The following RSRC1 variants were observed in gnomAD, a reference collection of about 807,000 sequenced individuals.
RSRC1 encodes the protein arginine and serine rich coiled-coil 1, also known as serine/Arginine-related protein 53.
RSRC1 carries 39 observed loss-of-function variants against 49.1 expected under a neutral mutation model. The observed-to-expected ratio is 0.79, with a 90% CI of 0.61 to 1.04. RSRC1 has a LOEUF of 1.04. Ranked by LOEUF, RSRC1 falls within the 50% of genes least tolerant of loss-of-function variation. The pLI is 0.00. For synonymous variants in RSRC1, 143 were observed against 130.8 expected (o/e 1.09, Z -0.63); for missense variants, 388 against 402.4 (o/e 0.96, Z 0.31).
intron 3 of RSRC1, among the ~76,000 whole-genome samples, chr3:158,170,101 G>T (rs73026002): frequency 0.043 from 6,610 of 152,050 alleles, 467 homozygotes; most frequent in African/African-American, 0.15. Flanking sequence ...GAAATTTATT[G>T]GAGAGTTTAA....
At chr3:158,251,108 T>G (rs1056381590) in intron 4 of RSRC1, among the ~76,000 whole-genome samples, 1 of 152,188 alleles carries the variant, frequency 6.6e-6, no homozygotes, top group African/African-American at 2.4e-5. Flanking sequence ...TCATGACACC[T>G]TTGTTGAAAA....
chr3:158,181,633 A>G (rs2108253241), intron 3 of RSRC1, among the ~76,000 whole-genome samples: 2 of 152,356 alleles, frequency 1.3e-5, no homozygotes, highest in South Asian at 4.1e-4. Flanking sequence ...TAACAAAAAT[A>G]CCTTATAGTG....
chr3:158,281,768 TGGGG>T (rs1726185951), intron 4 of RSRC1, among the ~76,000 whole-genome samples: 1 of 152,202 alleles, frequency 6.6e-6, no homozygotes, highest in Non-Finnish European at 1.5e-5. Context: ...TTTGGTAACA[TGGGG>T]GAACCACTGA....
chr3:158,204,858 T>G (rs1375823905), intron 4 of RSRC1, among the ~76,000 whole-genome samples: 1 of 152,142 alleles, frequency 6.6e-6, no homozygotes, highest in Non-Finnish European at 1.5e-5. Flanking sequence ...TTGCATAAAA[T>G]TTATATTATA....
chr3:158,293,637 T>C (rs1029139979), intron 4 of RSRC1, among the ~76,000 whole-genome samples: 1 of 152,088 alleles, frequency 6.6e-6, no homozygotes, highest in Non-Finnish European at 1.5e-5. Context: ...CCTTACCTTG[T>C]TGATTCTTCC....
chr3:158,135,528 C>T (rs368016510), intron 3 of RSRC1, among the ~76,000 whole-genome samples: 7 of 151,942 alleles, frequency 4.6e-5, no homozygotes, highest in African/African-American at 9.7e-5. Flanking sequence ...GATCTACACG[C>T]CTAGGCCTCC....
intron 7 of RSRC1, among the ~76,000 whole-genome samples, chr3:158,479,999 C>G (rs1738543372): frequency 6.6e-6 from 1 of 152,006 alleles, no homozygotes; most frequent in Non-Finnish European, 1.5e-5. Flanking sequence ...ATTTAGCACA[C>G]CCTCAAGTCT....
At chr3:158,377,233 A>G (rs116208650) in intron 6 of RSRC1, among the ~76,000 whole-genome samples, 3,009 of 152,264 alleles carry the variant, frequency 0.02, 104 homozygotes, top group African/African-American at 0.069. Context: ...AATTTCTTCA[A>G]ATGTACACTG....
intron 7 of RSRC1, 152 bp from the exon 8 acceptor site, chr3:158,536,940 G>A (rs1022262035): frequency 1.4e-5 from 8 of 577,344 alleles, no homozygotes; most frequent in Middle Eastern, 4.8e-4. Context: ...TGTTATATTT[G>A]TGGATCTCAG....
chr3:158,276,397 C>A, intron 4 of RSRC1: 1 of 772,860 alleles, frequency 1.3e-6, no homozygotes, highest in South Asian at 1.4e-5. Flanking sequence ...CTCCATAGCT[C>A]CTGGATGTGC....
intron 3 of RSRC1, among the ~76,000 whole-genome samples, chr3:158,140,789 G>T (rs1716696808): frequency 6.6e-6 from 1 of 152,018 alleles, no homozygotes; most frequent in Non-Finnish European, 1.5e-5. Context: ...TGTGATATTG[G>T]GCAAGAAAAG....
chr3:158,453,368 G>A (rs531176486), intron 6 of RSRC1, among the ~76,000 whole-genome samples: 4 of 144,898 alleles, frequency 2.8e-5, no homozygotes, highest in Non-Finnish European at 6.0e-5. Context: ...CCAAAAGTCT[G>A]TGTAGCCCGG....
At chr3:158,153,548 T>C (rs1210367721) in intron 3 of RSRC1, among the ~76,000 whole-genome samples, 1 of 152,172 alleles carries the variant, frequency 6.6e-6, no homozygotes, top group Non-Finnish European at 1.5e-5. Context: ...GAGGTTGCCA[T>C]AAAGCTAGAA....
chr3:158,524,884 A>C (rs182281172), intron 7 of RSRC1, among the ~76,000 whole-genome samples: 1 of 152,142 alleles, frequency 6.6e-6, no homozygotes, highest in East Asian at 1.9e-4. Context: ...ATCATACATA[A>C]GAATTAGCTT....
chr3:158,469,377 T>C (rs1204919808), intron 7 of RSRC1: 1 of 452,294 alleles, frequency 2.2e-6, no homozygotes, highest in Admixed American at 2.4e-5. Context: ...TAAAGGAAAC[T>C]GTGCTGCAAA....
chr3:158,128,702 G>T (rs1715795531), intron 3 of RSRC1, among the ~76,000 whole-genome samples: 1 of 151,882 alleles, frequency 6.6e-6, no homozygotes, highest in Admixed American at 6.6e-5. Flanking sequence ...TTCTTTTTCT[G>T]CTCCAGGATC....
intron 6 of RSRC1, among the ~76,000 whole-genome samples, chr3:158,373,898 G>A (rs1386889551): frequency 6.6e-6 from 1 of 151,978 alleles, no homozygotes. Context: ...AGTAAGTGTG[G>A]CTTTTGCTCA....
intron 4 of RSRC1, among the ~76,000 whole-genome samples, chr3:158,221,305 T>G (rs747179162): frequency 7.9e-5 from 12 of 151,612 alleles, no homozygotes; most frequent in Admixed American, 1.3e-4. Flanking sequence ...AAATATTCCC[T>G]AATAACTTTG....
chr3:158,530,886 G>A (rs1178963744), intron 7 of RSRC1, among the ~76,000 whole-genome samples: 2 of 80,288 alleles, frequency 2.5e-5, no homozygotes, highest in South Asian at 3.9e-4. Context: ...CTAAAACTTA[G>A]AGTATAATAA....
Sources: gnomAD v4.1 joint callset for allele counts (sites outside exome capture counted in the v4.1 genomes callset) on GRCh38, gnomAD v4.1.1 for gene constraint, MANE v1.5 for transcripts, NCBI Gene and HGNC (gene_info 2026-07-23, HGNC 2026-07-21) for gene names.